The following TAB1 variants were observed in gnomAD, a reference collection of about 807,000 sequenced individuals.
The protein encoded by TAB1 is TGF-beta activated kinase 1 (MAP3K7) binding protein 1, also known as TGF-beta-activated kinase 1 and MAP3K7-binding protein 1.
In TAB1, 30 loss-of-function variants were observed where a neutral mutation model predicts 54.5. That is an observed-to-expected ratio of 0.55 (90% CI 0.41 to 0.75). The LOEUF (loss-of-function observed/expected upper bound fraction) is 0.75, where lower values mean the gene tolerates loss of function less well. Ranked by LOEUF, TAB1 falls within the 30% of genes least tolerant of loss-of-function variation. The pLI, the probability that TAB1 is intolerant of heterozygous loss-of-function variation, is 0.00. For missense variants in TAB1, 609 were observed against 683.2 expected, an observed-to-expected ratio of 0.89 and a Z score of 1.21; for synonymous variants, 289 against 286.9, an observed-to-expected ratio of 1.01 and a Z score of -0.07.
At chr22:39,411,314 C>G (rs1376509428) in intron 1 of TAB1, among the ~76,000 whole-genome samples, 1 of 152,190 alleles carries the variant, frequency 6.6e-6, no homozygotes, top group Non-Finnish European at 1.5e-5. Flanking sequence ...AAATGGACTT[C>G]ATCTAAACTA....
chr22:39,403,640 CTTT>C (rs35800128), intron 1 of TAB1, among the ~76,000 whole-genome samples: 3 of 137,358 alleles, frequency 2.2e-5, no homozygotes, highest in Non-Finnish European at 1.5e-5. Context: ...AAAAATCCCT[CTTT>C]TTTTTTTTTT....
intron 1 of TAB1, among the ~76,000 whole-genome samples, chr22:39,401,844 A>T (rs551338901): frequency 1.3e-5 from 2 of 152,082 alleles, no homozygotes; most frequent in African/African-American, 2.4e-5. Flanking sequence ...GGGCTTGCTG[A>T]TGTCACATCC....
chr22:39,415,691 A>G lies in TAB1; in HGVS notation c.324+38A>G, dbSNP rs764492320. On this transcript the variant is annotated intron_variant, in intron 3 of 10. Coordinates refer to ENST00000216160, the MANE Select transcript of TAB1 (RefSeq NM_006116.3). The surrounding 1 kb of genome is among the most constrained non-coding windows in gnomAD (Gnocchi z 4.9). ...GGGCCAACAGTGACCCAGCCACATCATGTCCCCCACCCCAAGGCTTGGGCC... is the reference window on the plus strand; with the variant it reads ...GGGCCAACAGTGACCCAGCCACATCGTGTCCCCCACCCCAAGGCTTGGGCC... The G allele has an allele frequency of 1.1e-5, 18 of 1,590,802 alleles. No individual in the cohort carries two copies. The highest frequency in any genetic ancestry group is 1.5e-5 in the Non-Finnish European group (17 of 1,171,492).
At chr22:39,413,811 T>C (rs557693979) in intron 1 of TAB1, among the ~76,000 whole-genome samples, 2 of 152,302 alleles carry the variant, frequency 1.3e-5, no homozygotes, top group South Asian at 4.1e-4. Context: ...GTTCTGGGAG[T>C]GCCGTTGTGA....
At chr22:39,405,876 C>T (rs114625676) in intron 1 of TAB1, among the ~76,000 whole-genome samples, 1 of 152,180 alleles carries the variant, frequency 6.6e-6, no homozygotes, top group Non-Finnish European at 1.5e-5. Flanking sequence ...CTTGGTAGAA[C>T]CTCCTGAGGT....
rs1926855502 is a variant in TAB1 at position 39,416,867 on chromosome 22, A to G, written c.401A>G (p.Gln134Arg). 1 of 1,614,072 alleles carries G rather than the reference A, an allele frequency of 6.2e-7. No homozygotes were observed. Among genetic ancestry groups the G allele is most frequent in the Admixed American group, 1.7e-5 (1 of 59,994 alleles). The change falls in exon 4 of 11, where the codon CAA becomes CGA. Residue 134 changes from glutamine to arginine, a missense_variant. Physicochemically the swap from Gln to Arg is conservative, Grantham distance 43. Transcript: ENST00000216160. ...GCTGAGAAGGCAAGCCTCCAGTCGC[A>G]ATTGCCAGAGGTAATTTCCCCAGCC... is the stretch of plus-strand genomic sequence containing the variant. ...ALAEKASLQS[Q>R]LPEGVPQHQL... is the part of the protein sequence containing the mutation.
At chr22:39,400,666 G>A (rs1926097742) in intron 1 of TAB1, among the ~76,000 whole-genome samples, 1 of 152,232 alleles carries the variant, frequency 6.6e-6, no homozygotes, top group Non-Finnish European at 1.5e-5. Context: ...TACCAGGGTA[G>A]GGTGCTGGCC....
chr22:39,404,207 G>A (rs765100017), intron 1 of TAB1, among the ~76,000 whole-genome samples: 25 of 152,208 alleles, frequency 1.6e-4, no homozygotes, highest in Non-Finnish European at 3.4e-4. Flanking sequence ...CCATTTACGG[G>A]GTGAGGGAGC....
At position 39,416,804 on chromosome 22, in the gene TAB1, T is replaced by C. The variant is rs1926852905; in HGVS notation, c.338T>C (p.Val113Ala). The C allele has an allele frequency of 6.2e-7, 1 of 1,614,080 alleles. No individual in the cohort carries two copies. Residue 113 changes from valine to alanine, a missense_variant, in exon 4 of 11, where the codon GTG becomes GCG. Physicochemically the swap from Val to Ala is moderately conservative, Grantham distance 64. Transcript: ENST00000216160. ...RRVLLQAFDVVERSFLESIDD... is the reference protein window; with the variant it reads ...RRVLLQAFDVAERSFLESIDD... ...GTGTCCCCCTAGGCCTTCGATGTGG[T>C]GGAGAGGAGCTTCCTGGAGTCCATT...
downstream of TAB1, chr22:39,432,619 A>T: frequency 2.3e-6 from 1 of 428,952 alleles, no homozygotes; most frequent in Non-Finnish European, 3.1e-6. Flanking sequence ...ACACTCCTGG[A>T]GCTTTGGTGT....
downstream of TAB1, chr22:39,436,348 T>C (rs961864497): frequency 7.0e-5 from 46 of 658,068 alleles, no homozygotes; most frequent in Non-Finnish European, 1.1e-4. Context: ...GTAGCTGACG[T>C]GTAATATCTC....
chr22:39,422,009 T>A lies in TAB1; in HGVS notation c.921+38T>A, dbSNP rs769269253. Reference sequence around the variant, plus strand: ...CAGCCACGCCCATGGCCGGAGAGCGTGGCTGGCCTGCATGGTGATGTGCTC... The same window carrying A: ...CAGCCACGCCCATGGCCGGAGAGCGAGGCTGGCCTGCATGGTGATGTGCTC... On this transcript the variant is annotated intron_variant, in intron 8 of 10. Transcript: ENST00000216160. 4.7e-6 allele frequency: 7 copies of A among 1,488,622 alleles called. No homozygotes were observed. In the East Asian group the frequency reaches 1.8e-4, roughly 37 times the overall value. 92.2% of individuals were successfully genotyped at this position (1,488,622 alleles called of 1,614,324 possible).
intron 7 of TAB1, among the ~76,000 whole-genome samples, chr22:39,421,072 CCTT>C (rs1384576470): frequency 5.3e-5 from 8 of 151,758 alleles, no homozygotes; most frequent in African/African-American, 1.9e-4. Flanking sequence ...TCCTGCTCCT[CCTT>C]CTTTTCTTTT....
In TAB1 at chr22:39,421,866, C is replaced by T. The variant is rs1409735484; in HGVS notation, c.816C>T (p.Ile272=). ...AACCAATCATCGCAGAGCCAGAAAT[C>T]CATGGGGCACAGCCGCTGGATGGGG... The part of the protein sequence containing the change: ...KSKPIIAEPE[I]HGAQPLDGVT... Residue 272 remains isoleucine, a synonymous_variant, in exon 8 of 11, where the codon ATC becomes ATT. Transcript: ENST00000216160. 1 of 1,614,020 alleles carries T rather than the reference C, an allele frequency of 6.2e-7. No homozygotes were observed. The highest frequency in any genetic ancestry group is 8.5e-7 in the Non-Finnish European group (1 of 1,180,010).
intron 1 of TAB1, 84 bp downstream of exon 1, chr22:39,399,919 A>G (rs1282886789): frequency 1.4e-6 from 2 of 1,431,604 alleles, no homozygotes; most frequent in Non-Finnish European, 1.9e-6. Context: ...TCCTTCTCCG[A>G]GTTTGGACAG....
At chr22:39,417,050 G>A (rs1009197399) in intron 4 of TAB1, among the ~76,000 whole-genome samples, 173 bp downstream of exon 4, 1 of 152,248 alleles carries the variant, frequency 6.6e-6, no homozygotes, top group Admixed American at 6.5e-5. Context: ...CTGCTCTGCT[G>A]TGGGCAGCTG....
At chr22:39,421,403 A>T (rs1321580876) in intron 7 of TAB1, among the ~76,000 whole-genome samples, 3 of 152,128 alleles carry the variant, frequency 2.0e-5, no homozygotes, top group Non-Finnish European at 4.4e-5. Context: ...CCAGTCACTA[A>T]AGGATCCCTG....
At chr22:39,417,218 C>T (rs1036364896) in intron 4 of TAB1, among the ~76,000 whole-genome samples, 2 of 152,256 alleles carry the variant, frequency 1.3e-5, no homozygotes, top group African/African-American at 4.8e-5. Context: ...TCGGTCATCT[C>T]CAGCTTTCTG....
chr22:39,402,498 G>A (rs942794156), intron 1 of TAB1, among the ~76,000 whole-genome samples: 2 of 152,178 alleles, frequency 1.3e-5, no homozygotes, highest in Admixed American at 1.3e-4. Flanking sequence ...ATCACTTGGT[G>A]GGAGCATCAT....
Sources: allele counts gnomAD v4.1 joint callset (sites outside exome capture counted in the v4.1 genomes callset), GRCh38; gene constraint gnomAD v4.1.1; non-coding constraint Gnocchi (gnomAD v3.1); transcripts MANE v1.5; gene names NCBI Gene and HGNC (gene_info 2026-07-23, HGNC 2026-07-21).